The following PCDHA7 variants were observed in gnomAD, a reference collection of about 807,000 sequenced individuals.
PCDHA7 encodes the protein protocadherin alpha-7.
PCDHA7 carries 37 observed loss-of-function variants against 57.2 expected under a neutral mutation model. The observed-to-expected ratio is 0.65, with a 90% CI of 0.50 to 0.85. The LOEUF (loss-of-function observed/expected upper bound fraction) is 0.85. Among genes scored for constraint, PCDHA7 ranks in the 40% least tolerant of loss-of-function variants. The probability of loss-of-function intolerance (pLI) is 0.00; values close to 1 mark genes in which losing one functional copy is unlikely to be tolerated. For synonymous variants in PCDHA7, 553 were observed against 558.8 expected, an observed-to-expected ratio of 0.99 and a Z score of 0.15; for missense variants, 1,188 against 1,241.8, an observed-to-expected ratio of 0.96 and a Z score of 0.65.
chr5:140,838,729 A>G (rs2150291864), intron 1 of PCDHA7, among the ~76,000 whole-genome samples: 7 of 152,120 alleles, frequency 4.6e-5, no homozygotes, highest in Non-Finnish European at 8.8e-5. Flanking sequence ...TCAGTCTAGT[A>G]GTTTGAGACC....
At chr5:140,946,705 T>A (rs246053) in intron 1 of PCDHA7, among the ~76,000 whole-genome samples, 81,982 of 146,914 alleles carry the variant, frequency 0.56, 23,474 homozygotes, top group African/African-American at 0.69. Context: ...AATCTGGAGG[T>A]CATTATGTTT....
intron 1 of PCDHA7, chr5:140,863,746 C>T (rs902419131): frequency 8.2e-6 from 2 of 244,508 alleles, no homozygotes; most frequent in Non-Finnish European, 1.6e-5. Context: ...TATTTGTAAT[C>T]CCGGCACTTT....
intron 1 of PCDHA7, among the ~76,000 whole-genome samples, chr5:140,855,465 T>G (rs1363813881): frequency 2.0e-5 from 3 of 149,888 alleles, no homozygotes; most frequent in South Asian, 2.1e-4. Context: ...ACCTCACAGA[T>G]AGTTGATGCT....
chr5:140,941,446 G>C (rs1241311664), intron 1 of PCDHA7, among the ~76,000 whole-genome samples: 1 of 150,694 alleles, frequency 6.6e-6, no homozygotes, highest in African/African-American at 2.4e-5. Flanking sequence ...CTCGGGAGTA[G>C]CTGGGATTAC....
intron 1 of PCDHA7, among the ~76,000 whole-genome samples, chr5:140,838,877 T>C (rs1016544864): frequency 6.6e-6 from 1 of 151,982 alleles, no homozygotes; most frequent in Non-Finnish European, 1.5e-5. Context: ...ATCATGCCAC[T>C]GAACTCCAGC....
At chr5:140,869,062 T>A (rs370962991) in intron 1 of PCDHA7, 2 of 1,558,588 alleles carry the variant, frequency 1.3e-6, no homozygotes, top group African/African-American at 2.7e-5. Context: ...TCTGGTACTG[T>A]AAGTGTAAAG....
At chr5:140,836,966 T>G in intron 1 of PCDHA7, 1 of 388,302 alleles carries the variant, frequency 2.6e-6, no homozygotes, top group Non-Finnish European at 4.5e-6. Context: ...TGTTGGCTAC[T>G]CTCCATTTTT....
At chr5:141,009,482 C>T in intron 3 of PCDHA7, 145 bp from the exon 4 acceptor site, 1 of 1,446,086 alleles carries the variant, frequency 6.9e-7, no homozygotes, top group Non-Finnish European at 9.1e-7. Flanking sequence ...TAAACACTTG[C>T]CTTGCCCTCA....
chr5:140,853,354 A>G (rs1391288948), intron 1 of PCDHA7: 1 of 982,096 alleles, frequency 1.0e-6, no homozygotes, highest in African/African-American at 1.8e-5. Flanking sequence ...ACATGAACTC[A>G]CAGGGATCCA....
chr5:140,967,040 C>G, intron 1 of PCDHA7: 1 of 1,611,752 alleles, frequency 6.2e-7, no homozygotes, highest in South Asian at 1.1e-5. Flanking sequence ...CTACCTGGAG[C>G]TGGACCTGAC....
intron 1 of PCDHA7, chr5:140,841,445 G>T: frequency 6.2e-7 from 1 of 1,612,934 alleles, no homozygotes; most frequent in South Asian, 1.1e-5. Context: ...GGCCAAACAC[G>T]GCACCTTCGT....
At chr5:140,902,917 T>G (rs1235478755) in intron 1 of PCDHA7, among the ~76,000 whole-genome samples, 1 of 152,230 alleles carries the variant, frequency 6.6e-6, no homozygotes, top group Non-Finnish European at 1.5e-5. Context: ...CTGAGTAGTA[T>G]TGCATGGTGT....
intron 3 of PCDHA7, among the ~76,000 whole-genome samples, chr5:140,995,652 C>T (rs1018975214): frequency 2.0e-5 from 3 of 151,828 alleles, no homozygotes; most frequent in East Asian, 1.9e-4. Context: ...AAAGGAGAAT[C>T]GAAAAGGGAA....
chr5:140,866,472 CT>C (rs2049389020), intron 1 of PCDHA7: 2 of 152,112 alleles, frequency 1.3e-5, no homozygotes, highest in Non-Finnish European at 2.9e-5. Flanking sequence ...CTCATAACAA[CT>C]GACAAATGAT....
chr5:140,963,551 G>C (rs2095774327), intron 1 of PCDHA7, among the ~76,000 whole-genome samples: 1 of 152,158 alleles, frequency 6.6e-6, no homozygotes, highest in African/African-American at 2.4e-5. Flanking sequence ...GATATAAAAA[G>C]GGGCTGTTTT....
intron 1 of PCDHA7, chr5:140,881,378 G>A (rs2058692175): frequency 1.0e-6 from 1 of 984,802 alleles, no homozygotes; most frequent in Non-Finnish European, 1.2e-6. Context: ...ATTGCAGCCG[G>A]CGGCGGTAAG....
intron 1 of PCDHA7, chr5:140,862,812 C>G (rs782335970): frequency 1.7e-6 from 1 of 572,078 alleles, no homozygotes; most frequent in Non-Finnish European, 3.4e-6. Context: ...TGCTGCAGTT[C>G]TAGGTGAGAG....
At chr5:140,949,826 T>G (rs954476311) in intron 1 of PCDHA7, among the ~76,000 whole-genome samples, 2 of 151,922 alleles carry the variant, frequency 1.3e-5, no homozygotes, top group Non-Finnish European at 2.9e-5. Flanking sequence ...ATTTGTCCCC[T>G]CTGATTTTGT....
chr5:140,887,950 A>G (rs1397658604), intron 1 of PCDHA7, among the ~76,000 whole-genome samples: 1 of 152,110 alleles, frequency 6.6e-6, no homozygotes, highest in Non-Finnish European at 1.5e-5. Context: ...TATCTGTATA[A>G]GATTCTTTTT....
Sources: allele counts gnomAD v4.1 joint callset (sites outside exome capture counted in the v4.1 genomes callset), GRCh38; gene constraint gnomAD v4.1.1; transcripts MANE v1.5; gene names NCBI Gene and HGNC (gene_info 2026-07-23, HGNC 2026-07-21).